Variants in PTP4A1 observed in about 807,000 individuals in gnomAD.
The protein encoded by PTP4A1 is protein tyrosine phosphatase 4A1, also known as protein tyrosine phosphatase type IVA 1.
PTP4A1 carries 9 observed loss-of-function variants against 20.5 expected under a neutral mutation model. The observed-to-expected ratio is 0.44, with a 90% CI of 0.26 to 0.77. The LOEUF (loss-of-function observed/expected upper bound fraction) is 0.77, where lower values mean the gene tolerates loss of function less well. Among genes scored for constraint, PTP4A1 ranks in the 30% least tolerant of loss-of-function variants. The pLI is 0.19. For synonymous variants in PTP4A1, 78 were observed against 67.4 expected (o/e 1.16, Z -0.77); for missense variants, 137 against 218.8 (o/e 0.63, Z 2.36).
chr6:63,575,467 TA>T (rs1777791881), intron 1 of PTP4A1, among the ~76,000 whole-genome samples: 1 of 152,194 alleles, frequency 6.6e-6, no homozygotes, highest in Non-Finnish European at 1.5e-5. Flanking sequence ...GATATTGGCA[TA>T]AAAATGGTTT....
At chr6:63,547,837 A>C (rs1776271208) in intron 2 of PTP4A1, among the ~76,000 whole-genome samples, 1 of 152,106 alleles carries the variant, frequency 6.6e-6, no homozygotes, top group East Asian at 1.9e-4. Context: ...AATGCTACAC[A>C]GACCCCAGAT....
At chr6:63,527,521 C>T (rs971962192) in intron 1 of PTP4A1, among the ~76,000 whole-genome samples, 3 of 152,096 alleles carry the variant, frequency 2.0e-5, no homozygotes, top group African/African-American at 7.2e-5. Context: ...ATCTAATGTG[C>T]TTTATACTGT....
chr6:63,518,183 G>A (rs1774800999), upstream of PTP4A1, among the ~76,000 whole-genome samples: 1 of 151,360 alleles, frequency 6.6e-6, no homozygotes, highest in Admixed American at 6.6e-5. Flanking sequence ...AATCTCAGTA[G>A]GTTTCTAGAC....
intron 2 of PTP4A1, among the ~76,000 whole-genome samples, chr6:63,549,680 T>C (rs895227801): frequency 6.6e-6 from 1 of 151,988 alleles, no homozygotes; most frequent in Non-Finnish European, 1.5e-5. Flanking sequence ...CTGGAGGACA[T>C]TATGTTAAGT....
At chr6:63,578,638 C>A in intron 3 of PTP4A1, 109 bp downstream of exon 3, 1 of 1,396,870 alleles carries the variant, frequency 7.2e-7, no homozygotes, top group Non-Finnish European at 9.5e-7. Flanking sequence ...CCTCAAAAAG[C>A]TAAAAACAAA....
At position 63,526,803 on chromosome 6, in the gene PTP4A1, GTATATATATATA is replaced by G. The variant is rs376671990; in HGVS notation, c.-905-994_-905-983del. Among the ~76,000 whole-genome samples, 78 of 101,440 alleles carry G rather than the reference GTATATATATATA, an allele frequency of 7.7e-4. 1 individual carries two copies. The highest frequency in any genetic ancestry group is 3.4e-3 in the African/African-American group (77 of 22,984). The allele number at this position is 101,440 out of a possible 152,430, so 66.5% of individuals were successfully genotyped here. ...CAGAGCAAGACTCTATCTCAAAAAT[GTATATATATATA>G]TATATATATATATATATATATTTAT... On this transcript the variant is annotated intron_variant, in intron 1 of 3. Coordinates refer to the PTP4A1 transcript ENST00000639568.
At chr6:63,562,825 ATTTAT>A (rs1463795449) in intron 3 of PTP4A1, among the ~76,000 whole-genome samples, 1 of 152,186 alleles carries the variant, frequency 6.6e-6, no homozygotes, top group Admixed American at 6.5e-5. Flanking sequence ...GAGTGCCTTT[ATTTAT>A]TTTAAGTTTC....
exon 3 of PTP4A1, chr6:63,550,432 A>G (rs1776386044): frequency 6.6e-6 from 1 of 152,122 alleles, no homozygotes; most frequent in African/African-American, 2.4e-5. Flanking sequence ...GGGTGAAGCT[A>G]CAAAAATTGA....
At chr6:63,573,016 T>TA (rs1398584720) in intron 1 of PTP4A1, among the ~76,000 whole-genome samples, 1 of 151,954 alleles carries the variant, frequency 6.6e-6, no homozygotes, top group African/African-American at 2.4e-5. Context: ...GTCCGGCTTC[T>TA]GCGGCGGCCG....
chr6:63,531,103 G>A (rs1422866450), intron 2 of PTP4A1, among the ~76,000 whole-genome samples: 1 of 152,128 alleles, frequency 6.6e-6, no homozygotes, highest in African/African-American at 2.4e-5. Context: ...CAGGTTTCAA[G>A]CACAGTTCCC....
At chr6:63,576,354 T>C in intron 1 of PTP4A1, 82 bp from the exon 2 acceptor site, 1 of 396,996 alleles carries the variant, frequency 2.5e-6, no homozygotes, top group East Asian at 3.6e-5. Flanking sequence ...AGTTGTGTAC[T>C]TAAATAGTGT....
chr6:63,530,472 C>A (rs1469545773), intron 2 of PTP4A1, among the ~76,000 whole-genome samples: 2 of 152,022 alleles, frequency 1.3e-5, no homozygotes, highest in Non-Finnish European at 2.9e-5. Flanking sequence ...GCTTAGACGC[C>A]CAGATGTAAA....
At chr6:63,529,167 ATATATATATG>A (rs1775337710) in intron 2 of PTP4A1, among the ~76,000 whole-genome samples, 1 of 147,202 alleles carries the variant, frequency 6.8e-6, no homozygotes, top group East Asian at 2.0e-4. Flanking sequence ...ATGTGTGTAT[ATATATATATG>A]TATATATATG....
At chr6:63,534,623 C>T (rs1166688973) in intron 2 of PTP4A1, among the ~76,000 whole-genome samples, 5 of 151,800 alleles carry the variant, frequency 3.3e-5, no homozygotes, top group Admixed American at 6.6e-5. Flanking sequence ...GCCCAGGCAA[C>T]GTAGCAAGAC....
chr6:63,523,876 T>C (rs1436679280), intron 1 of PTP4A1, among the ~76,000 whole-genome samples: 2 of 152,190 alleles, frequency 1.3e-5, no homozygotes, highest in Non-Finnish European at 2.9e-5. Context: ...TTTAACAGAT[T>C]GCCTACTCCT....
chr6:63,539,104 T>C (rs1256694535), intron 2 of PTP4A1, among the ~76,000 whole-genome samples: 2 of 152,000 alleles, frequency 1.3e-5, no homozygotes, highest in African/African-American at 4.8e-5. Flanking sequence ...TGTTGGCCCA[T>C]GCTGATCTTG....
chr6:63,542,843 C>T (rs1490091239), intron 2 of PTP4A1, among the ~76,000 whole-genome samples: 2 of 152,140 alleles, frequency 1.3e-5, no homozygotes, highest in Non-Finnish European at 2.9e-5. Flanking sequence ...CCACCTCCAC[C>T]CCTACCTGAT....
At chr6:63,531,169 A>G (rs1313534555) in intron 2 of PTP4A1, among the ~76,000 whole-genome samples, 1 of 152,186 alleles carries the variant, frequency 6.6e-6, no homozygotes, top group Non-Finnish European at 1.5e-5. Flanking sequence ...GTCCATCAAG[A>G]TAACTGCAAG....
intron 2 of PTP4A1, chr6:63,548,697 A>G: frequency 1.7e-6 from 1 of 585,240 alleles, no homozygotes; most frequent in South Asian, 2.1e-5. Context: ...AGAAAACTCA[A>G]CAGTGTACAT....
Sources: allele counts gnomAD v4.1 joint callset (sites outside exome capture counted in the v4.1 genomes callset), GRCh38; gene constraint gnomAD v4.1.1; transcripts MANE v1.5; gene names NCBI Gene and HGNC (gene_info 2026-07-23, HGNC 2026-07-21).